The following MTAP variants were observed in gnomAD, a reference collection of about 807,000 sequenced individuals.
MTAP encodes the protein S-methyl-5'-thioadenosine phosphorylase.
MTAP carries 33 observed loss-of-function variants against 33.6 expected under a neutral mutation model. The observed-to-expected ratio is 0.98, with a 90% CI of 0.74 to 1.31. MTAP has a LOEUF of 1.31. MTAP is among the 40% of genes most tolerant of loss of function. The pLI, the probability that MTAP is intolerant of heterozygous loss-of-function variation, is 0.00. For synonymous variants in MTAP, 148 were observed against 125.7 expected (o/e 1.18, Z -1.19); for missense variants, 367 against 360.0 (o/e 1.02, Z -0.16).
At chr9:21,913,347 C>T (rs1363998627) in intron 1 of MTAP, among the ~76,000 whole-genome samples, 5 of 152,154 alleles carry the variant, frequency 3.3e-5, no homozygotes, top group Non-Finnish European at 5.9e-5. Context: ...AAGAACAAAG[C>T]TGGAGGCATC....
At chr9:21,808,323 G>A (rs1824258524) in intron 1 of MTAP, among the ~76,000 whole-genome samples, 1 of 152,050 alleles carries the variant, frequency 6.6e-6, no homozygotes, top group African/African-American at 2.4e-5. Flanking sequence ...GGTGGCTCAT[G>A]CCTGTAATCA....
At chr9:21,829,258 A>G (rs1038325634) in intron 4 of MTAP, among the ~76,000 whole-genome samples, 1 of 152,128 alleles carries the variant, frequency 6.6e-6, no homozygotes, top group Admixed American at 6.6e-5. Context: ...CACCCCGTGG[A>G]TTATAGAATT....
chr9:21,830,241 G>C (rs1824933883), intron 4 of MTAP, among the ~76,000 whole-genome samples: 1 of 152,140 alleles, frequency 6.6e-6, no homozygotes, highest in Non-Finnish European at 1.5e-5. Flanking sequence ...TGTTGCACAG[G>C]GACGAGTTTC....
intron 4 of MTAP, among the ~76,000 whole-genome samples, chr9:21,824,375 C>A (rs548088545): frequency 6.6e-6 from 1 of 152,142 alleles, no homozygotes; most frequent in Admixed American, 6.5e-5. Context: ...CACTCCAGAC[C>A]CTGTTTGCCT....
At chr9:21,887,359 G>A (rs1352781184) in intron 1 of MTAP, among the ~76,000 whole-genome samples, 2 of 152,052 alleles carry the variant, frequency 1.3e-5, no homozygotes, top group African/African-American at 4.8e-5. Flanking sequence ...AGAACATGTG[G>A]TGTTTGGTTT....
intron 1 of MTAP, among the ~76,000 whole-genome samples, chr9:21,809,727 T>G (rs1007017434): frequency 6.6e-6 from 1 of 152,138 alleles, no homozygotes; most frequent in African/African-American, 2.4e-5. Flanking sequence ...CTGCGGAGCT[T>G]TAAAAACAAA....
intron 5 of MTAP, among the ~76,000 whole-genome samples, chr9:21,843,451 C>A (rs1007439022): frequency 2.6e-5 from 4 of 152,132 alleles, no homozygotes; most frequent in Non-Finnish European, 5.9e-5. Context: ...GCAGAATATA[C>A]ATTCTTTTCA....
chr9:21,895,875 C>T (rs138211196), intron 1 of MTAP, among the ~76,000 whole-genome samples: 1 of 152,226 alleles, frequency 6.6e-6, no homozygotes, highest in African/African-American at 2.4e-5. Flanking sequence ...TAGATTCCAC[C>T]TCTGGGAATT....
At chr9:21,804,137 G>C (rs1301261876) in intron 1 of MTAP, among the ~76,000 whole-genome samples, 1 of 152,220 alleles carries the variant, frequency 6.6e-6, no homozygotes, top group Non-Finnish European at 1.5e-5. Flanking sequence ...GAATTTGCTA[G>C]GAGGGCTAGA....
intron 1 of MTAP, chr9:21,802,985 AACACAC>A (rs753392319): frequency 0.054 from 23,744 of 443,028 alleles, 225 homozygotes; most frequent in East Asian, 0.14. Context: ...CCGCACCGCC[AACACAC>A]ACACACACAC....
At chr9:21,927,094 C>G (rs1293087568) in intron 1 of MTAP, among the ~76,000 whole-genome samples, 1 of 152,196 alleles carries the variant, frequency 6.6e-6, no homozygotes, top group Non-Finnish European at 1.5e-5. Context: ...GAACTAAAAA[C>G]TGCCTTCTCA....
At position 21,864,444 on chromosome 9, in the gene MTAP, T is replaced by A. The variant is rs754014188; in HGVS notation, c.*2430T>A. 1.4e-4 allele frequency: 138 copies of A among 985,316 alleles called. No individual in the cohort carries two copies. The highest frequency in any genetic ancestry group is 1.5e-4 in the Non-Finnish European group (127 of 829,952). The allele number at this position is 985,316 out of a possible 1,614,324, so 61.0% of individuals were successfully genotyped here. ...CGCAAAGGATGGATGGTGAGCATCA[T>A]GGGAAAGCTGTAGTTTAGTGACTTA... On this transcript the variant is annotated 3_prime_UTR_variant, in exon 8 of 8. Coordinates refer to ENST00000644715, the MANE Select transcript of MTAP (RefSeq NM_002451.4).
chr9:21,912,951 C>G lies in MTAP; in HGVS notation c.148-18057C>G, dbSNP rs1818605387. On this transcript the variant is annotated intron_variant, in intron 1 of 1. Transcript: ENST00000577563. ...TCAGCAAAGTCTCAGGATACAAAAT[C>G]AATGTACAAAAATCACAAGCATTCT... Among the ~76,000 whole-genome samples, 4 of 152,290 alleles carry G rather than the reference C, an allele frequency of 2.6e-5. No individual in the cohort carries two copies. In the South Asian group the frequency reaches 8.3e-4, roughly 32 times the overall value.
chr9:21,851,017 A>C (rs972123699), intron 5 of MTAP, among the ~76,000 whole-genome samples: 1 of 152,074 alleles, frequency 6.6e-6, no homozygotes, highest in Non-Finnish European at 1.5e-5. Context: ...TCAGTCTACT[A>C]CTCCACAATG....
intron 1 of MTAP, among the ~76,000 whole-genome samples, chr9:21,911,645 T>C (rs1163468655): frequency 1.3e-5 from 2 of 151,542 alleles, no homozygotes; most frequent in African/African-American, 4.9e-5. Context: ...TAGAGGGAAA[T>C]TTATAGCGCT....
At chr9:21,807,288 A>G (rs1460779712) in intron 1 of MTAP, among the ~76,000 whole-genome samples, 2 of 152,172 alleles carry the variant, frequency 1.3e-5, no homozygotes, top group Non-Finnish European at 2.9e-5. Flanking sequence ...TGGACAAGTC[A>G]TGGTTTGTAG....
intron 3 of MTAP, 118 bp from the exon 4 acceptor site, chr9:21,817,917 C>A (rs1295995419): frequency 2.1e-6 from 2 of 963,320 alleles, no homozygotes; most frequent in Non-Finnish European, 1.5e-6. Context: ...TTCTAGGAGA[C>A]CCCCTGTGTT....
intron 1 of MTAP, among the ~76,000 whole-genome samples, chr9:21,876,227 C>T (rs1220950836): frequency 6.6e-6 from 1 of 151,056 alleles, no homozygotes; most frequent in Non-Finnish European, 1.5e-5. Flanking sequence ...GTTTTTTTTT[C>T]TTGTAAATTT....
intron 1 of MTAP, among the ~76,000 whole-genome samples, chr9:21,921,340 C>CA (rs1274569736): frequency 6.6e-6 from 1 of 151,532 alleles, no homozygotes; most frequent in African/African-American, 2.4e-5. Flanking sequence ...TTTATTTTTT[C>CA]AAAAAAACCT....
Sources: allele counts gnomAD v4.1 joint callset (sites outside exome capture counted in the v4.1 genomes callset), GRCh38; gene constraint gnomAD v4.1.1; transcripts MANE v1.5; gene names NCBI Gene and HGNC (gene_info 2026-07-23, HGNC 2026-07-21).